MAPT: variants seen among roughly 807,000 people sequenced by gnomAD.
The protein encoded by MAPT is microtubule-associated protein tau.
A neutral mutation model predicts 67.9 loss-of-function variants in MAPT; 34 were observed. The observed-to-expected ratio is 0.50, with a 90% CI of 0.38 to 0.67. The LOEUF (loss-of-function observed/expected upper bound fraction) is 0.67, where lower values mean the gene tolerates loss of function less well. MAPT is among the 30% of genes least tolerant of loss of function. The pLI, the probability that MAPT is intolerant of heterozygous loss-of-function variation, is 0.00. For missense variants in MAPT, 881 were observed against 1,115.2 expected, an observed-to-expected ratio of 0.79 and a Z score of 2.99; for synonymous variants, 456 against 464.5, an observed-to-expected ratio of 0.98 and a Z score of 0.23.
chr17:45,992,175 A>G (rs2074112906), intron 8 of MAPT, among the ~76,000 whole-genome samples: 1 of 152,190 alleles, frequency 6.6e-6, no homozygotes, highest in Non-Finnish European at 1.5e-5. Flanking sequence ...AAAGAAAGAA[A>G]TCGAGCCTCT....
At position 45,941,740 on chromosome 17, in the gene MAPT, T is replaced by TGCC. The variant is rs1568208479; in HGVS notation, c.-17-20581_-17-20580insGCC. Among the ~76,000 whole-genome samples the TGCC allele has an allele frequency of 2.7e-4, 38 of 140,952 alleles. 1 individual carries two copies. The highest frequency in any genetic ancestry group is 3.9e-3 in the Middle Eastern group (1 of 256). 92.5% of individuals were successfully genotyped at this position (140,952 alleles called of 152,430 possible). ...CTTCCTTCCTTCCTTCCTTCCTTCC[T>TGCC]TCCTTCCTTCCTTCCTGGTATGTGA... On this transcript the variant is annotated intron_variant, in intron 1 of 12. Transcript: ENST00000262410.
chr17:46,018,598 T>A lies in MAPT; in HGVS notation c.2174-20T>A. On this transcript the variant is annotated intron_variant, in intron 11 of 12. Transcript: ENST00000262410. Reference sequence around the variant, plus strand: ...CACAGAAGATGATGGCAAGATGCTCTTGTGTGTGTTGTGTTCTAGGAGGTG... The same window carrying A: ...CACAGAAGATGATGGCAAGATGCTCATGTGTGTGTTGTGTTCTAGGAGGTG... 1 of 1,515,270 alleles carries A rather than the reference T, an allele frequency of 6.6e-7. No homozygotes were observed. Among genetic ancestry groups the A allele is most frequent in the Non-Finnish European group, 9.2e-7 (1 of 1,089,928 alleles). 93.9% of individuals were successfully genotyped at this position (1,515,270 alleles called of 1,614,324 possible).
At chr17:45,999,818 A>G in intron 9 of MAPT, 1 of 658,470 alleles carries the variant, frequency 1.5e-6, no homozygotes, top group South Asian at 2.2e-5. Context: ...CAGAGGACAC[A>G]GTCACAGCCT....
At chr17:45,923,463 T>C (rs536762898) in intron 1 of MAPT, among the ~76,000 whole-genome samples, 2 of 152,220 alleles carry the variant, frequency 1.3e-5, no homozygotes, top group Non-Finnish European at 2.9e-5. Context: ...CCTGATTTAC[T>C]TGTGGGCACT....
intron 1 of MAPT, among the ~76,000 whole-genome samples, chr17:45,954,797 G>A (rs1483692574): frequency 2.6e-5 from 4 of 151,926 alleles, no homozygotes; most frequent in African/African-American, 7.3e-5. Flanking sequence ...TGGCTAACAC[G>A]GTGAAACCCC....
intron 1 of MAPT, among the ~76,000 whole-genome samples, chr17:45,934,575 C>T (rs1175034705): frequency 6.6e-6 from 1 of 151,996 alleles, no homozygotes; most frequent in African/African-American, 2.4e-5. Flanking sequence ...TGGAGTTTTG[C>T]TAGCTGACAG....
intron 12 of MAPT, among the ~76,000 whole-genome samples, chr17:46,022,447 A>G (rs9907416): frequency 0.028 from 4,245 of 152,054 alleles, 207 homozygotes; most frequent in African/African-American, 0.098. Flanking sequence ...CAAAATATGC[A>G]TCTAGCTTAA....
intron 10 of MAPT, among the ~76,000 whole-genome samples, chr17:46,012,217 A>T (rs1370210112): frequency 1.3e-5 from 2 of 152,144 alleles, no homozygotes; most frequent in Admixed American, 6.5e-5. Flanking sequence ...GAGAGAGTGC[A>T]CACGGGCTGC....
chr17:45,997,465 A>G (rs1343675011), intron 9 of MAPT, among the ~76,000 whole-genome samples: 1 of 152,226 alleles, frequency 6.6e-6, no homozygotes, highest in African/African-American at 2.4e-5. Flanking sequence ...TCTTCTTATA[A>G]GAACACCATG....
chr17:45,907,554 A>G (rs1180708186), intron 1 of MAPT: 3 of 152,234 alleles, frequency 2.0e-5, no homozygotes, highest in Non-Finnish European at 4.4e-5. Flanking sequence ...ACACAGTTGG[A>G]TGTTGAGAAA....
intron 2 of MAPT, among the ~76,000 whole-genome samples, chr17:45,963,963 T>C (rs868183089): frequency 5.3e-5 from 8 of 151,834 alleles, no homozygotes; most frequent in African/African-American, 1.7e-4. Flanking sequence ...GACATGGGCG[T>C]ATTGGGGGAG....
chr17:45,956,549 TA>T (rs1489483044), intron 1 of MAPT, among the ~76,000 whole-genome samples: 13 of 220 alleles, frequency 0.059, no homozygotes, highest in Admixed American at 0.28. Flanking sequence ...CAGGTTCTTT[TA>T]TATATATATA....
At chr17:46,017,023 C>T (rs1426715347) in intron 11 of MAPT, among the ~76,000 whole-genome samples, 1 of 152,168 alleles carries the variant, frequency 6.6e-6, no homozygotes, top group Non-Finnish European at 1.5e-5. Flanking sequence ...TACTTGAACC[C>T]TTACTGTGGG....
intron 1 of MAPT, among the ~76,000 whole-genome samples, chr17:45,904,903 C>T (rs1343234979): frequency 6.6e-6 from 1 of 152,078 alleles, no homozygotes; most frequent in Admixed American, 6.6e-5. Context: ...TCTATAACCT[C>T]CTGTTACACT....
chr17:45,956,546 TTTTATATATATATATATATATATATA>T (rs2069674017), intron 1 of MAPT, among the ~76,000 whole-genome samples: 1 of 126,786 alleles, frequency 7.9e-6, no homozygotes, highest in African/African-American at 3.1e-5. Context: ...TAGCAGGTTC[TTTTATATATATATATATATATATATA>T]TATATATATA....
intron 9 of MAPT, among the ~76,000 whole-genome samples, chr17:46,004,694 T>C (rs1428832313): frequency 6.6e-6 from 1 of 152,258 alleles, no homozygotes; most frequent in African/African-American, 2.4e-5. Flanking sequence ...CCCTTGTGTC[T>C]ATTGTAAAAT....
chr17:45,961,362 C>G (rs555762588), intron 1 of MAPT, among the ~76,000 whole-genome samples: 6 of 152,188 alleles, frequency 3.9e-5, no homozygotes, highest in African/African-American at 1.2e-4. Context: ...AAGCCTCATG[C>G]CCCTACTGGG....
intron 6 of MAPT, among the ~76,000 whole-genome samples, chr17:45,988,208 T>C (rs1465231433): frequency 6.6e-6 from 1 of 152,156 alleles, no homozygotes; most frequent in African/African-American, 2.4e-5. Context: ...TGGGTCCTCC[T>C]TACCAAGCCT....
At chr17:46,006,473 G>A (rs2075420760) in intron 9 of MAPT, among the ~76,000 whole-genome samples, 2 of 151,910 alleles carry the variant, frequency 1.3e-5, no homozygotes, top group Admixed American at 1.3e-4. Flanking sequence ...ATGGTTAATG[G>A]GTACAAAAAC....
Sources: allele counts gnomAD v4.1 joint callset (sites outside exome capture counted in the v4.1 genomes callset), GRCh38; gene constraint gnomAD v4.1.1; transcripts MANE v1.5; gene names NCBI Gene and HGNC (gene_info 2026-07-23, HGNC 2026-07-21).